Variants in XPR1 observed in about 807,000 individuals in gnomAD.
XPR1 encodes the protein solute carrier family 53 member 1.
XPR1 carries 28 observed loss-of-function variants against 87.5 expected under a neutral mutation model. The ratio of observed to expected loss-of-function variants is 0.32; its 90% CI spans 0.24 to 0.44. The LOEUF is 0.44. Ranked by LOEUF, XPR1 falls within the 20% of genes least tolerant of loss-of-function variation. XPR1 has a pLI of 1.00. For synonymous variants in XPR1, 300 were observed against 306.1 expected (o/e 0.98, Z 0.21); for missense variants, 559 against 862.3 (o/e 0.65, Z 4.41).
chr1:180,849,050 C>T (rs141866216), intron 11 of XPR1, among the ~76,000 whole-genome samples: 300 of 152,122 alleles, frequency 2.0e-3, no homozygotes, highest in Middle Eastern at 3.4e-3. Context: ...CACACATGTG[C>T]GTATAATATG....
chr1:180,737,372 G>A (rs1658760596), intron 2 of XPR1, among the ~76,000 whole-genome samples: 1 of 152,198 alleles, frequency 6.6e-6, no homozygotes, highest in African/African-American at 2.4e-5. Flanking sequence ...TCTAAAACGT[G>A]ATATACTATT....
intron 11 of XPR1, among the ~76,000 whole-genome samples, chr1:180,856,329 T>C (rs1652031416): frequency 6.6e-6 from 1 of 152,076 alleles, no homozygotes; most frequent in African/African-American, 2.4e-5. Flanking sequence ...GGAAATAAAC[T>C]CAACCAAGTG....
At chr1:180,774,963 G>A (rs79939829) in intron 2 of XPR1, among the ~76,000 whole-genome samples, 5,179 of 152,222 alleles carry the variant, frequency 0.034, 134 homozygotes, top group African/African-American at 0.07. Flanking sequence ...TCCTCTGGAG[G>A]GGTCCAACAC....
At chr1:180,874,880 C>T (rs567718913) in intron 13 of XPR1, among the ~76,000 whole-genome samples, 3 of 152,182 alleles carry the variant, frequency 2.0e-5, no homozygotes, top group Admixed American at 2.0e-4. Flanking sequence ...AATAAAATGC[C>T]TTAAAATTTT....
chr1:180,879,731 C>T (rs1377314007), intron 13 of XPR1, among the ~76,000 whole-genome samples: 2 of 152,170 alleles, frequency 1.3e-5, no homozygotes, highest in African/African-American at 2.4e-5. Flanking sequence ...TTGTCTGTCT[C>T]CACCACTAGA....
At chr1:180,685,535 T>C (rs1170294675) in intron 2 of XPR1, among the ~76,000 whole-genome samples, 4 of 152,196 alleles carry the variant, frequency 2.6e-5, no homozygotes, top group Non-Finnish European at 5.9e-5. Context: ...CTTTTTCTAT[T>C]GATTGGAATA....
In XPR1 at chr1:180,836,435, C is replaced by G. The variant is rs1375251092; in HGVS notation, c.1307-87C>G. ...TCTGAAGGTTTTTTGCTTTTTTAGA[C>G]TTGGTATTAGCTACACTATATGGCT... On this transcript the variant is annotated intron_variant, in intron 10 of 14. Transcript: ENST00000367590. The G allele has an allele frequency of 4.9e-6, 7 of 1,436,778 alleles. No homozygotes were observed. In the African/African-American group the frequency reaches 1.0e-4, roughly 21 times the overall value. 89.0% of individuals were successfully genotyped at this position (1,436,778 alleles called of 1,614,324 possible).
At chr1:180,806,425 A>C in intron 5 of XPR1, 49 bp from the exon 6 acceptor site, 1 of 1,584,460 alleles carries the variant, frequency 6.3e-7, no homozygotes, top group African/African-American at 1.3e-5. Context: ...TTTGTGCATC[A>C]CTCAAGTTTA....
At chr1:180,733,665 A>T (rs1658632695) in intron 2 of XPR1, among the ~76,000 whole-genome samples, 1 of 152,216 alleles carries the variant, frequency 6.6e-6, no homozygotes, top group Non-Finnish European at 1.5e-5. Context: ...TTTGAGGTAG[A>T]GGTGGTAGAG....
intron 2 of XPR1, among the ~76,000 whole-genome samples, chr1:180,721,532 G>C (rs1326431936): frequency 6.6e-6 from 1 of 152,126 alleles, no homozygotes; most frequent in East Asian, 1.9e-4. Context: ...TTTTACTCCT[G>C]GCTATGTGGT....
chr1:180,732,164 G>A (rs1446034307), intron 2 of XPR1, among the ~76,000 whole-genome samples: 2 of 140,746 alleles, frequency 1.4e-5, no homozygotes, highest in Non-Finnish European at 3.0e-5. Context: ...CTGCACTCTA[G>A]CCTGGGTGAC....
intron 1 of XPR1, among the ~76,000 whole-genome samples, chr1:180,633,468 T>C (rs555636046): frequency 6.6e-6 from 1 of 152,304 alleles, no homozygotes; most frequent in South Asian, 2.1e-4. Flanking sequence ...TGATAGGAGG[T>C]TTGGGCAATA....
At chr1:180,770,055 A>G (rs1648450381) in intron 2 of XPR1, among the ~76,000 whole-genome samples, 1 of 152,106 alleles carries the variant, frequency 6.6e-6, no homozygotes. Flanking sequence ...AATACTGGTT[A>G]ATTTTGATAG....
In XPR1 at chr1:180,889,455, C is replaced by T. The variant is rs1010987397; in HGVS notation, c.*5389C>T. ...AAAGTTGTGGACTTCTAAGAAAGAG[C>T]CAGGCTTCCATCTCACTATCCCTTG... On this transcript the variant is annotated 3_prime_UTR_variant, in exon 15 of 15. Coordinates refer to ENST00000367590, the MANE Select transcript of XPR1 (RefSeq NM_004736.4). 6.6e-6 allele frequency: 1 copy of T among 152,238 alleles called. No individual in the cohort carries two copies. Among genetic ancestry groups the T allele is most frequent in the Non-Finnish European group, 1.5e-5 (1 of 68,042 alleles). The allele number at this position is 152,238 out of a possible 1,614,324, so 9.4% of individuals were successfully genotyped here. A position where few individuals can be genotyped will look rare whatever the true frequency, so the allele number is the denominator to read the frequency against.
intron 12 of XPR1, among the ~76,000 whole-genome samples, chr1:180,865,938 G>A (rs1034770785): frequency 1.2e-4 from 19 of 152,256 alleles, no homozygotes; most frequent in Middle Eastern, 3.4e-3. Flanking sequence ...CTGGCCAGAC[G>A]TGGTGGCTCA....
chr1:180,749,134 T>A (rs1024752827), intron 2 of XPR1, among the ~76,000 whole-genome samples: 1 of 152,124 alleles, frequency 6.6e-6, no homozygotes, highest in Non-Finnish European at 1.5e-5. Context: ...TCTGAGAGAG[T>A]CTGCAGTGAG....
intron 14 of XPR1, among the ~76,000 whole-genome samples, chr1:180,881,033 G>C (rs1355331359): frequency 5.3e-5 from 8 of 152,132 alleles, no homozygotes; most frequent in Non-Finnish European, 2.9e-5. Context: ...AGAACATAAA[G>C]GTAGAAATGA....
rs191735695 is a variant in XPR1, at chr1:180,759,985, G to A, written c.122-27768G>A. ...TACGCAAATCAATAAATGTAATCCA[G>A]CATATAAACAGAACCAAAGACAAAA... On this transcript the variant is annotated intron_variant, in intron 2 of 14. Coordinates refer to ENST00000367590, the MANE Select transcript of XPR1 (RefSeq NM_004736.4). 1.3e-3 allele frequency among the ~76,000 whole-genome samples: 191 copies of A among 152,210 alleles called. 1 individual carries two copies. Among genetic ancestry groups the A allele is most frequent in the South Asian group, 6.0e-3 (29 of 4,828 alleles).
chr1:180,657,539 A>G (rs1655578863), intron 1 of XPR1, among the ~76,000 whole-genome samples: 1 of 152,160 alleles, frequency 6.6e-6, no homozygotes, highest in Non-Finnish European at 1.5e-5. Context: ...CCACTTACTG[A>G]AGAGATTGTC....
Sources: allele counts gnomAD v4.1 joint callset (sites outside exome capture counted in the v4.1 genomes callset), GRCh38; gene constraint gnomAD v4.1.1; transcripts MANE v1.5; gene names NCBI Gene and HGNC (gene_info 2026-07-23, HGNC 2026-07-21).